Variants in PCDHB13 observed in about 807,000 individuals in gnomAD.
PCDHB13 encodes protocadherin beta-13.
For missense variants in PCDHB13, 1,065 were observed against 1,016.7 expected (o/e 1.05, Z -0.65); for synonymous variants, 515 against 450.7 (o/e 1.14, Z -1.81).
Position 141,216,667 on chromosome 5 carries a change from A to G in PCDHB13, c.*147A>G. ...TCTTTCTCCCTTTGTTTTAAAGTGA[A>G]CATTTACCTTTATTCCTGGTTCTTA... On this transcript the variant is annotated 3_prime_UTR_variant, in exon 1 of 1. Coordinates refer to ENST00000341948, the MANE Select transcript of PCDHB13 (RefSeq NM_018933.4). 1 of 808,906 alleles carries G rather than the reference A, an allele frequency of 1.2e-6. No individual in the cohort carries two copies. The highest frequency in any genetic ancestry group is 2.2e-6 in the Non-Finnish European group (1 of 459,518). The allele number at this position is 808,906 out of a possible 1,614,324, so 50.1% of individuals were successfully genotyped here. A position where few individuals can be genotyped will look rare whatever the true frequency, so the allele number is the denominator to read the frequency against.
At position 141,215,540 on chromosome 5, in the gene PCDHB13, G is replaced by C. The variant is rs372471995; in HGVS notation, c.1417G>C (p.Val473Leu). 4 of 1,613,692 alleles carry C rather than the reference G, an allele frequency of 2.5e-6. No homozygotes were observed. The highest frequency in any genetic ancestry group is 1.1e-5 in the South Asian group (1 of 91,060). ...NNSPALHIRS[V>L]SATDRDSGTN... The stretch of plus-strand genomic sequence containing the variant: ...CAGCCCCGCCCTGCACATCCGCAGC[G>C]TCAGCGCTACAGACAGAGACTCAGG... Residue 473 changes from valine to leucine, a missense_variant, in exon 1 of 1, where the codon GTC becomes CTC. Physicochemically the swap from Val to Leu is conservative, Grantham distance 32 (BLOSUM62 1). Transcript: ENST00000341948.
chr5:141,218,808 G>A lies in PCDHB13; in HGVS notation c.*2288G>A, dbSNP rs1181639866. 2.4e-5 allele frequency: 4 copies of A among 166,934 alleles called. No homozygotes were observed. Among genetic ancestry groups the A allele is most frequent in the South Asian group, 2.1e-4 (1 of 4,828 alleles). The allele number at this position is 166,934 out of a possible 1,614,324, so 10.3% of individuals were successfully genotyped here. ...TTTTGTAGAGATGGGTTCTCATCAT[G>A]TCGCCCAGGCTGTTGAACTTCTGGC... On this transcript the variant is annotated 3_prime_UTR_variant, in exon 1 of 1. Transcript: ENST00000341948.
In PCDHB13 at chr5:141,216,038, A is replaced by C. The variant is rs1327785023; in HGVS notation, c.1915A>C (p.Arg639=). Reference sequence around the variant, plus strand: ...GAGCGAGCGCGACGCGGCCAAGCACAGGCTGGTGGTGCTGGTCAAGGACAA... The same window carrying C: ...GAGCGAGCGCGACGCGGCCAAGCACCGGCTGGTGGTGCTGGTCAAGGACAA... ...LLSERDAAKH[R]LVVLVKDNGE... is the part of the protein sequence containing the mutation. Residue 639 remains arginine, a synonymous_variant, in exon 1 of 1, where the codon AGG becomes CGG. Coordinates refer to ENST00000341948, the MANE Select transcript of PCDHB13 (RefSeq NM_018933.4). 6.2e-7 allele frequency: 1 copy of C among 1,606,738 alleles called. No homozygotes were observed. Among genetic ancestry groups the C allele is most frequent in the African/African-American group, 1.3e-5 (1 of 74,868 alleles).
In PCDHB13 at chr5:141,216,741, A is replaced by G. The variant is rs1178014037; in HGVS notation, c.*221A>G. 1 of 640,398 alleles carries G rather than the reference A, an allele frequency of 1.6e-6. No individual in the cohort carries two copies. Among genetic ancestry groups the G allele is most frequent in the African/African-American group, 1.8e-5 (1 of 54,368 alleles). The allele number at this position is 640,398 out of a possible 1,614,324, so 39.7% of individuals were successfully genotyped here. A position where few individuals can be genotyped will look rare whatever the true frequency, so the allele number is the denominator to read the frequency against. On this transcript the variant is annotated 3_prime_UTR_variant, in exon 1 of 1. Coordinates refer to ENST00000341948, the MANE Select transcript of PCDHB13 (RefSeq NM_018933.4). ...CCCAGATGGTCTTAATTTGTAATTA[A>G]TTTGCCTCCCTAAAGAGCAATACCA...
In PCDHB13 at chr5:141,216,442, C is replaced by T; in HGVS notation, c.2319C>T (p.Asn773=). ...AGTTCCTGAAGCCGATTATCCCCAA[C>T]TTCCCTCCCCAGTGCCCTGGGAAAG... The part of the protein sequence containing the change: ...EFKFLKPIIP[N]FPPQCPGKEI... Residue 773 remains asparagine, a synonymous_variant, in exon 1 of 1, where the codon AAC becomes AAT. Coordinates refer to ENST00000341948, the MANE Select transcript of PCDHB13 (RefSeq NM_018933.4). The T allele has an allele frequency of 1.9e-6, 3 of 1,614,170 alleles. No individual in the cohort carries two copies. Among genetic ancestry groups the T allele is most frequent in the Non-Finnish European group, 2.5e-6 (3 of 1,180,026 alleles).
chr5:141,213,947 A>C lies in PCDHB13; in HGVS notation c.-177A>C. 3 of 606,110 alleles carry C rather than the reference A, an allele frequency of 4.9e-6. No individual in the cohort carries two copies. The highest frequency in any genetic ancestry group is 9.1e-6 in the Non-Finnish European group (3 of 331,164). 37.5% of individuals were successfully genotyped at this position (606,110 alleles called of 1,614,324 possible). On this transcript the variant is annotated 5_prime_UTR_variant, in exon 1 of 1. Transcript: ENST00000341948. ...GCTCCATTAACCGGCAAAAAGCAGC[A>C]GAACCTGGAAGTCCACGGGGAGCTT...
In PCDHB13 at chr5:141,216,594, T is replaced by G; in HGVS notation, c.*74T>G. On this transcript the variant is annotated 3_prime_UTR_variant, in exon 1 of 1. Coordinates refer to ENST00000341948, the MANE Select transcript of PCDHB13 (RefSeq NM_018933.4). Reference sequence around the variant, plus strand: ...CATGCCAATGTTTATTTCCCCCAATTTGTGTGTATGTAATATTGTACGGAT... The same window carrying G: ...CATGCCAATGTTTATTTCCCCCAATGTGTGTGTATGTAATATTGTACGGAT... 1 of 1,212,554 alleles carries G rather than the reference T, an allele frequency of 8.2e-7. No individual in the cohort carries two copies. Among genetic ancestry groups the G allele is most frequent in the East Asian group, 2.3e-5 (1 of 43,096 alleles). The allele number at this position is 1,212,554 out of a possible 1,614,324, so 75.1% of individuals were successfully genotyped here. A position where few individuals can be genotyped will look rare whatever the true frequency, so the allele number is the denominator to read the frequency against.
Position 141,216,565 on chromosome 5 carries a change from TTTCC to T in PCDHB13, c.*46_*49del. 4 of 1,465,372 alleles carry T rather than the reference TTTCC, an allele frequency of 2.7e-6. No homozygotes were observed. The highest frequency in any genetic ancestry group is 1.9e-6 in the Non-Finnish European group (2 of 1,044,118). The allele number at this position is 1,465,372 out of a possible 1,614,324, so 90.8% of individuals were successfully genotyped here. On this transcript the variant is annotated 3_prime_UTR_variant, in exon 1 of 1. Coordinates refer to ENST00000341948, the MANE Select transcript of PCDHB13 (RefSeq NM_018933.4). Reference sequence around the variant, plus strand: ...TCCATAGGTATTTTATTTTGTGGCATTTCCATGCCAATGTTTATTTCCCCCAATT... The same window carrying T: ...TCCATAGGTATTTTATTTTGTGGCATATGCCAATGTTTATTTCCCCCAATT...
chr5:141,215,749 C>A lies in PCDHB13; in HGVS notation c.1626C>A (p.Ser542Arg), dbSNP rs782549452. 3 of 1,612,078 alleles carry A rather than the reference C, an allele frequency of 1.9e-6. No homozygotes were observed. The highest frequency in any genetic ancestry group is 2.2e-4 in the Middle Eastern group (1 of 4,610). ...GASDHGSPAL[S>R]SEALVRVVVL... ...CAGACCACGGCTCCCCGGCGCTGAG[C>A]AGCGAGGCGCTGGTGCGCGTGGTGG... Residue 542 changes from serine (S) to arginine (R), a missense_variant, in exon 1 of 1, where the codon AGC (serine) becomes AGA (arginine). Coordinates refer to ENST00000341948, the MANE Select transcript of PCDHB13 (RefSeq NM_018933.4).
chr5:141,216,206 G>T lies in PCDHB13; in HGVS notation c.2083G>T (p.Ala695Ser). ...CACCGTCTACCTGGTGGTGGCGTTG[G>T]CCTCGGTGTCTTCGCTCTTCCTCTT... ...LLTVYLVVAL[A>S]SVSSLFLFSV... The change falls in exon 1 of 1, where the codon GCC (alanine) becomes TCC (serine). Residue 695 changes from alanine (A) to serine (S), a missense_variant. Transcript: ENST00000341948. The T allele has an allele frequency of 6.2e-7, 1 of 1,612,568 alleles. No individual in the cohort carries two copies. Among genetic ancestry groups the T allele is most frequent in the Non-Finnish European group, 8.5e-7 (1 of 1,179,862 alleles).
chr5:141,216,106 C>G lies in PCDHB13; in HGVS notation c.1983C>G (p.Leu661=), dbSNP rs781907420. ...PRSATATLHV[L]LVDGFSQPYL... ...CGGCCACCGCCACGCTGCACGTGCT[C>G]CTGGTGGACGGCTTCTCCCAGCCCT... The change falls in exon 1 of 1, where the codon CTC becomes CTG. Residue 661 remains leucine (L), a synonymous_variant. Transcript: ENST00000341948. 4.4e-6 allele frequency: 7 copies of G among 1,608,638 alleles called. No homozygotes were observed. In the African/African-American group the frequency reaches 8.0e-5, roughly 18 times the overall value.
chr5:141,216,082 G>T lies in PCDHB13; in HGVS notation c.1959G>T (p.Ser653=). The part of the protein sequence containing the change: ...LVKDNGEPPR[S]ATATLHVLLV... Reference sequence around the variant, plus strand: ...AGGACAATGGCGAGCCTCCGCGCTCGGCCACCGCCACGCTGCACGTGCTCC... The same window carrying T: ...AGGACAATGGCGAGCCTCCGCGCTCTGCCACCGCCACGCTGCACGTGCTCC... Residue 653 remains serine (S), a synonymous_variant, in exon 1 of 1, where the codon TCG becomes TCT. Transcript: ENST00000341948. The T allele has an allele frequency of 6.2e-7, 1 of 1,606,456 alleles. No individual in the cohort carries two copies.
chr5:141,215,468 C>T lies in PCDHB13; in HGVS notation c.1345C>T (p.Pro449Ser). 6.2e-7 allele frequency: 1 copy of T among 1,614,212 alleles called. No homozygotes were observed. The highest frequency in any genetic ancestry group is 1.3e-5 in the African/African-American group (1 of 75,050). The change falls in exon 1 of 1, where the codon CCC becomes TCC. Residue 449 changes from proline to serine, a missense_variant. Pro to Ser is a moderately conservative substitution (Grantham distance 74). Coordinates refer to ENST00000341948, the MANE Select transcript of PCDHB13 (RefSeq NM_018933.4). The part of the protein sequence containing the change: ...VLIADVNDNA[P>S]AFTQTSYTLF... ...GATCGCCGATGTCAATGACAACGCT[C>T]CCGCCTTCACCCAAACCTCCTACAC... is the stretch of plus-strand genomic sequence containing the variant.
chr5:141,215,430 A>T lies in PCDHB13; in HGVS notation c.1307A>T (p.Asn436Ile), dbSNP rs782111975. 7.4e-6 allele frequency: 12 copies of T among 1,614,054 alleles called. No homozygotes were observed. Among genetic ancestry groups the T allele is most frequent in the Non-Finnish European group, 9.3e-6 (11 of 1,180,042 alleles). The change falls in exon 1 of 1, where the codon AAT becomes ATT. Residue 436 changes from asparagine to isoleucine, a missense_variant. Asn to Ile is a moderately radical substitution (Grantham distance 149, BLOSUM62 -3). Transcript: ENST00000341948. ...ACCCCTATGCTGATAACACAGCTCA[A>T]TATGACCGTGCTGATCGCCGATGTC... is the stretch of plus-strand genomic sequence containing the variant. Reference protein sequence around the residue: ...LGTPMLITQLNMTVLIADVND... With the variant: ...LGTPMLITQLIMTVLIADVND...
chr5:141,215,443 G>A lies in PCDHB13; in HGVS notation c.1320G>A (p.Leu440=). The A allele has an allele frequency of 6.2e-7, 1 of 1,614,180 alleles. No homozygotes were observed. Among genetic ancestry groups the A allele is most frequent in the Non-Finnish European group, 8.5e-7 (1 of 1,180,034 alleles). The change falls in exon 1 of 1, where the codon CTG becomes CTA. Residue 440 remains leucine (L), a synonymous_variant. Coordinates refer to ENST00000341948, the MANE Select transcript of PCDHB13 (RefSeq NM_018933.4). ...TAACACAGCTCAATATGACCGTGCT[G>A]ATCGCCGATGTCAATGACAACGCTC... is the stretch of plus-strand genomic sequence containing the variant. ...MLITQLNMTV[L]IADVNDNAPA...
Position 141,215,054 on chromosome 5 carries a change from G to C in PCDHB13, c.931G>C (p.Glu311Gln). The change falls in exon 1 of 1, where the codon GAA becomes CAA. Residue 311 changes from glutamate to glutamine, a missense_variant. Physicochemically the swap from Glu to Gln is conservative, Grantham distance 29 (BLOSUM62 2). Coordinates refer to ENST00000341948, the MANE Select transcript of PCDHB13 (RefSeq NM_018933.4). ...EIELKKQLDF[E>Q]KLQSYEVNIE... is the part of the protein sequence containing the mutation. ...TGAACTAAAAAAACAACTCGATTTC[G>C]AAAAACTTCAGTCCTATGAAGTCAA... 6.2e-7 allele frequency: 1 copy of C among 1,614,072 alleles called. No individual in the cohort carries two copies.
rs1283525236 is a variant in PCDHB13 at position 141,216,852 on chromosome 5, G to A, written c.*332G>A. On this transcript the variant is annotated 3_prime_UTR_variant, in exon 1 of 1. Coordinates refer to ENST00000341948, the MANE Select transcript of PCDHB13 (RefSeq NM_018933.4). ...TAAAATTAAATAGAGCAATTTGGAAGTGATTCCAATTTTCCAGCATTTCTT... is the reference window on the plus strand; with the variant it reads ...TAAAATTAAATAGAGCAATTTGGAAATGATTCCAATTTTCCAGCATTTCTT... The A allele has an allele frequency of 6.0e-6, 2 of 332,328 alleles. No homozygotes were observed. Among genetic ancestry groups the A allele is most frequent in the Non-Finnish European group, 1.2e-5 (2 of 171,506 alleles). 20.6% of individuals were successfully genotyped at this position (332,328 alleles called of 1,614,324 possible). A position where few individuals can be genotyped will look rare whatever the true frequency, so the allele number is the denominator to read the frequency against.
rs1340756710 is a variant in PCDHB13 at position 141,218,190 on chromosome 5, C to G, written c.*1670C>G. ...TCTCGAATTCCTGAGCTCAAGCAGT[C>G]TGCCTGCCTCAGCCTCCCAAAGTGC... is the stretch of plus-strand genomic sequence containing the variant. On this transcript the variant is annotated 3_prime_UTR_variant, in exon 1 of 1. Coordinates refer to ENST00000341948, the MANE Select transcript of PCDHB13 (RefSeq NM_018933.4). 6.1e-6 allele frequency: 1 copy of G among 163,226 alleles called. No homozygotes were observed. Among genetic ancestry groups the G allele is most frequent in the Non-Finnish European group, 1.5e-5 (1 of 68,174 alleles). 10.1% of individuals were successfully genotyped at this position (163,226 alleles called of 1,614,324 possible).
Position 141,214,648 on chromosome 5 carries a change from C to T in PCDHB13, c.525C>T (p.Pro175=), listed in dbSNP as rs61743709. The T allele has an allele frequency of 9.1e-3, 14,751 of 1,614,132 alleles. 72 individuals are homozygous for T. Among genetic ancestry groups the T allele is most frequent in the Non-Finnish European group, 0.011 (12,939 of 1,180,010 alleles). ...QNNIENYIIS[P]NSYFRVLTRK... ...ATATTGAGAACTATATAATCAGCCCCAACTCCTATTTTCGGGTCCTCACCC... is the reference window on the plus strand; with the variant it reads ...ATATTGAGAACTATATAATCAGCCCTAACTCCTATTTTCGGGTCCTCACCC... Residue 175 remains proline (P), a synonymous_variant, in exon 1 of 1, where the codon CCC becomes CCT. Coordinates refer to ENST00000341948, the MANE Select transcript of PCDHB13 (RefSeq NM_018933.4).
Sources: allele counts gnomAD v4.1 joint callset, GRCh38; gene constraint gnomAD v4.1.1; transcripts MANE v1.5; gene names NCBI Gene and HGNC (gene_info 2026-07-23, HGNC 2026-07-21).